The following ZNF700 variants were observed in gnomAD, a reference collection of about 807,000 sequenced individuals.
ZNF700 encodes the protein zinc finger protein 700.
In ZNF700, 38 loss-of-function variants were observed where a neutral mutation model predicts 65.3. The observed-to-expected ratio is 0.58, with a 90% confidence interval of 0.45 to 0.76. The LOEUF is 0.76. Among genes scored for constraint, ZNF700 ranks in the 30% least tolerant of loss-of-function variants. ZNF700 has a pLI of 0.00. For synonymous variants in ZNF700, 285 were observed against 290.4 expected (o/e 0.98, Z 0.19); for missense variants, 857 against 888.4 (o/e 0.96, Z 0.45).
chr19:11,935,338 G>A (rs968077554), intron 1 of ZNF700, among the ~76,000 whole-genome samples: 2 of 145,558 alleles, frequency 1.4e-5, no homozygotes, highest in Non-Finnish European at 3.0e-5. Flanking sequence ...CCAGGTTCAA[G>A]TGATTCATCT....
chr19:11,927,291 T>C (rs568218213), intron 1 of ZNF700, among the ~76,000 whole-genome samples: 2 of 152,030 alleles, frequency 1.3e-5, no homozygotes, highest in South Asian at 4.2e-4. Context: ...GAGGCAGAGG[T>C]TGCAGCCCAG....
intron 1 of ZNF700, among the ~76,000 whole-genome samples, chr19:11,934,719 G>A (rs1160324852): frequency 6.8e-6 from 1 of 147,146 alleles, no homozygotes; most frequent in Non-Finnish European, 1.5e-5. Flanking sequence ...TAGAGATGAG[G>A]TTTTACCATG....
intron 1 of ZNF700, among the ~76,000 whole-genome samples, chr19:11,925,556 A>G (rs1237449712): frequency 1.3e-5 from 2 of 152,090 alleles, no homozygotes; most frequent in East Asian, 3.9e-4. Flanking sequence ...GCGTCTCCCC[A>G]GATTGTGCGG....
intron 1 of ZNF700, among the ~76,000 whole-genome samples, chr19:11,938,644 G>A (rs1972834402): frequency 1.3e-5 from 2 of 152,128 alleles, no homozygotes; most frequent in African/African-American, 4.8e-5. Flanking sequence ...ATCTGGGTTG[G>A]TTCCAAGTCT....
chr19:11,939,290 A>G (rs530710739), intron 1 of ZNF700, among the ~76,000 whole-genome samples: 1 of 152,296 alleles, frequency 6.6e-6, no homozygotes, highest in South Asian at 2.1e-4. Context: ...TTTAGTGATG[A>G]AGTCCTTGCC....
intron 1 of ZNF700, among the ~76,000 whole-genome samples, chr19:11,935,097 A>T (rs1599282733): frequency 7.3e-6 from 1 of 137,338 alleles, no homozygotes; most frequent in East Asian, 2.2e-4. Context: ...AATGGCATGA[A>T]CCCGGGAGGC....
In ZNF700 at chr19:11,949,338, G is replaced by A. The variant is rs761281689; in HGVS notation, c.1314G>A (p.Gly438=). The part of the protein sequence containing the change: ...RSASQLRVHG[G]THTGEKPYEC... ...CCTCACAGCTTCGAGTGCACGGTGG[G>A]ACTCACACTGGAGAGAAACCCTATG... is the stretch of plus-strand genomic sequence containing the variant. Residue 438 remains glycine, a synonymous_variant, in exon 4 of 4, where the codon GGG becomes GGA. Transcript: ENST00000254321. The A allele has an allele frequency of 6.2e-7, 1 of 1,613,358 alleles. No individual in the cohort carries two copies. The highest frequency in any genetic ancestry group is 2.2e-5 in the East Asian group (1 of 44,770).
chr19:11,947,336 T>C, intron 2 of ZNF700, 29 bp downstream of exon 2: 1 of 1,612,708 alleles, frequency 6.2e-7, no homozygotes, highest in East Asian at 2.2e-5. Flanking sequence ...CTTCCGTCAG[T>C]GCATTAGCAA....
chr19:11,940,604 A>G (rs1375968834), intron 1 of ZNF700, among the ~76,000 whole-genome samples: 1 of 152,164 alleles, frequency 6.6e-6, no homozygotes, highest in African/African-American at 2.4e-5. Context: ...CGTGGACCCA[A>G]AGAGTGAGCA....
chr19:11,936,479 A>G (rs1972797985), intron 1 of ZNF700, among the ~76,000 whole-genome samples: 1 of 152,148 alleles, frequency 6.6e-6, no homozygotes, highest in Non-Finnish European at 1.5e-5. Context: ...GGCTGCATAA[A>G]TGTCTTCTTT....
At position 11,945,086 on chromosome 19, in the gene ZNF700, G is replaced by A. The variant is rs149583725; in HGVS notation, c.64-2095G>A. On this transcript the variant is annotated intron_variant, in intron 1 of 3. Transcript: ENST00000254321. The stretch of plus-strand genomic sequence containing the variant: ...CACAGTCTGGGTTAGAACTCCAACT[G>A]CCTTTTTTTCTTTTTCTGACACAGT... 1.2e-4 allele frequency among the ~76,000 whole-genome samples: 19 copies of A among 152,370 alleles called. No individual in the cohort carries two copies. The East Asian group carries it at 3.5e-3, about 28-fold the overall frequency.
At position 11,950,149 on chromosome 19, in the gene ZNF700, T is replaced by A. The variant is rs963897117; in HGVS notation, c.2125T>A (p.Cys709Ser). ...IGEKHYECKECGKAFNYFSSL... is the reference protein window; with the variant it reads ...IGEKHYECKESGKAFNYFSSL... ...AGAGAAACACTATGAATGTAAGGAA[T>A]GCGGAAAAGCATTCAATTATTTTTC... The change falls in exon 4 of 4, where the codon TGC becomes AGC. Residue 709 changes from cysteine to serine, a missense_variant. Coordinates refer to ENST00000254321, the MANE Select transcript of ZNF700 (RefSeq NM_144566.3). 3.1e-6 allele frequency: 5 copies of A among 1,613,980 alleles called. No homozygotes were observed. Among genetic ancestry groups the A allele is most frequent in the Non-Finnish European group, 3.4e-6 (4 of 1,179,992 alleles).
At chr19:11,927,091 G>A (rs1972640504) in intron 1 of ZNF700, among the ~76,000 whole-genome samples, 1 of 152,116 alleles carries the variant, frequency 6.6e-6, no homozygotes, top group East Asian at 1.9e-4. Context: ...GATGGCTTAG[G>A]CCTGTAATCC....
intron 1 of ZNF700, among the ~76,000 whole-genome samples, chr19:11,925,821 G>T (rs1196306237): frequency 6.6e-6 from 1 of 152,140 alleles, no homozygotes; most frequent in African/African-American, 2.4e-5. Context: ...GAATAGGAGA[G>T]ACCTTGGCCG....
chr19:11,927,427 TA>T (rs1972646974), intron 1 of ZNF700, among the ~76,000 whole-genome samples: 1 of 102,756 alleles, frequency 9.7e-6, no homozygotes, highest in African/African-American at 7.8e-5. Context: ...TCTATTTAAA[TA>T]AATAAATAAA....
rs1555701882 is a variant in ZNF700, at chr19:11,949,328, T to G, written c.1304T>G (p.Val435Gly). The G allele has an allele frequency of 6.2e-7, 1 of 1,611,602 alleles. No homozygotes were observed. The highest frequency in any genetic ancestry group is 2.2e-5 in the East Asian group (1 of 44,624). Residue 435 changes from valine to glycine, a missense_variant, in exon 4 of 4, where the codon GTG becomes GGG. Physicochemically the swap from Val to Gly is moderately radical, Grantham distance 109. Around this residue, in one of 3 missense-constraint regions of ZNF700, gnomAD observed 603 missense variants for 619.9 expected, o/e 0.97. Coordinates refer to ENST00000254321, the MANE Select transcript of ZNF700 (RefSeq NM_144566.3). ...TTCAGATCTGCCTCACAGCTTCGAG[T>G]GCACGGTGGGACTCACACTGGAGAG... ...KAFRSASQLR[V>G]HGGTHTGEKP...
At chr19:11,944,691 A>C (rs753350552) in intron 1 of ZNF700, among the ~76,000 whole-genome samples, 15 of 152,192 alleles carry the variant, frequency 9.9e-5, no homozygotes, top group Non-Finnish European at 1.9e-4. Flanking sequence ...ATTTCTGTGA[A>C]GTCTACCTGC....
chr19:11,941,413 A>G (rs12982400), intron 1 of ZNF700, among the ~76,000 whole-genome samples: 1 of 152,198 alleles, frequency 6.6e-6, no homozygotes, highest in Non-Finnish European at 1.5e-5. Context: ...CTCAGGCATG[A>G]TGGGCTGCAG....
At chr19:11,943,177 G>T (rs1463138375) in intron 1 of ZNF700, among the ~76,000 whole-genome samples, 1 of 152,194 alleles carries the variant, frequency 6.6e-6, no homozygotes, top group Non-Finnish European at 1.5e-5. Context: ...TCCAAATACA[G>T]ATTTAGGATT....
Sources: gnomAD v4.1 joint callset for allele counts (sites outside exome capture counted in the v4.1 genomes callset) on GRCh38, gnomAD v4.1.1 for gene constraint, gnomAD v4.1.1 regional missense constraint, MANE v1.5 for transcripts, NCBI Gene and HGNC (gene_info 2026-07-23, HGNC 2026-07-21) for gene names.